The following PEAK1 variants were observed in gnomAD, a reference collection of about 807,000 sequenced individuals.
PEAK1 encodes inactive tyrosine-protein kinase PEAK1.
PEAK1 carries 54 observed loss-of-function variants against 124.7 expected under a neutral mutation model. That is an observed-to-expected ratio of 0.43 (90% CI 0.35 to 0.54). The LOEUF (loss-of-function observed/expected upper bound fraction) is 0.54, where lower values mean the gene tolerates loss of function less well. Among genes scored for constraint, PEAK1 ranks in the 20% least tolerant of loss-of-function variants. The pLI, the probability that PEAK1 is intolerant of heterozygous loss-of-function variation, is 0.01. For synonymous variants in PEAK1, 719 were observed against 760.0 expected, an observed-to-expected ratio of 0.95 and a Z score of 0.89; for missense variants, 2,046 against 2,134.5, an observed-to-expected ratio of 0.96 and a Z score of 0.82.
Position 77,114,448 on chromosome 15 carries a change from G to T in PEAK1, c.4949C>A (p.Pro1650His), listed in dbSNP as rs373379239. The change falls in exon 10 of 10, where the codon CCT (proline) becomes CAT (histidine). Residue 1650 changes from proline (P) to histidine (H), a missense_variant. Physicochemically the swap from Pro to His is moderately conservative, Grantham distance 77. Transcript: ENST00000682557. ...GTCTGAAATGAGGATCCGCTCAGAAGGGTTGGGATTCAGGAGGCAGCTGGC... is the reference window on the plus strand; with the variant it reads ...GTCTGAAATGAGGATCCGCTCAGAATGGTTGGGATTCAGGAGGCAGCTGGC... ...QLASCLLNPN[P>H]SERILISDAK... 3 of 1,613,990 alleles carry T rather than the reference G, an allele frequency of 1.9e-6. No homozygotes were observed. The highest frequency in any genetic ancestry group is 2.5e-6 in the Non-Finnish European group (3 of 1,180,022).
intron 6 of PEAK1, among the ~76,000 whole-genome samples, chr15:77,243,215 T>C (rs1438411354): frequency 6.6e-6 from 1 of 152,172 alleles, no homozygotes; most frequent in Non-Finnish European, 1.5e-5. Context: ...TAAGCAAATA[T>C]ACTAAAGCAG....
At position 77,366,295 on chromosome 15, in the gene PEAK1, T is replaced by C. The variant is rs1470033378; in HGVS notation, c.-665-1070A>G. Among the ~76,000 whole-genome samples the C allele has an allele frequency of 2.0e-5, 3 of 152,182 alleles. No individual in the cohort carries two copies. The South Asian group carries it at 6.2e-4, about 32-fold the overall frequency. ...ACAGACCTCCCAGCTACTGCAGTCA[T>C]TATGGAGTTCACTAAATGTCTCTGA... On this transcript the variant is annotated intron_variant, in intron 1 of 9. Coordinates refer to ENST00000682557, the MANE Select transcript of PEAK1 (RefSeq NM_001385026.1).
chr15:77,389,350 A>G (rs534022040), intron 1 of PEAK1, among the ~76,000 whole-genome samples: 1 of 152,280 alleles, frequency 6.6e-6, no homozygotes, highest in South Asian at 2.1e-4. Context: ...AAAAGGAAAA[A>G]GCTGTAGAGT....
chr15:77,339,882 C>T (rs1273899844), intron 2 of PEAK1, among the ~76,000 whole-genome samples: 1 of 152,184 alleles, frequency 6.6e-6, no homozygotes, highest in Non-Finnish European at 1.5e-5. Flanking sequence ...GAAAAATAAG[C>T]ATATGTTAAG....
chr15:77,397,709 C>G (rs2141982892), intron 1 of PEAK1, among the ~76,000 whole-genome samples: 1 of 152,190 alleles, frequency 6.6e-6, no homozygotes, highest in East Asian at 1.9e-4. Context: ...AACACACATA[C>G]AACCTACAAA....
chr15:77,114,929 C>T lies in PEAK1; in HGVS notation c.4468G>A (p.Glu1490Lys). 6.2e-7 allele frequency: 1 copy of T among 1,614,088 alleles called. No individual in the cohort carries two copies. Among genetic ancestry groups the T allele is most frequent in the Non-Finnish European group, 8.5e-7 (1 of 1,180,016 alleles). Reference sequence around the variant, plus strand: ...AAGAGCAGCAGACACACCTGCCTCTCATACAAATCAGGGCTTTTCCCATGC... The same window carrying T: ...AAGAGCAGCAGACACACCTGCCTCTTATACAAATCAGGGCTTTTCCCATGC... ...AQHGKSPDLY[E>K]RQVCLLLLQL... is the part of the protein sequence containing the mutation. The change falls in exon 10 of 10, where the codon GAG becomes AAG. Residue 1490 changes from glutamate to lysine, a missense_variant. By Grantham distance (56) the Glu-to-Lys change is moderately conservative. Coordinates refer to ENST00000682557, the MANE Select transcript of PEAK1 (RefSeq NM_001385026.1).
intron 2 of PEAK1, among the ~76,000 whole-genome samples, chr15:77,324,216 G>T (rs149586577): frequency 6.6e-6 from 1 of 152,290 alleles, no homozygotes; most frequent in East Asian, 1.9e-4. Flanking sequence ...GATGGCTCAC[G>T]CCTGTAATCC....
chr15:77,132,973 G>C, intron 9 of PEAK1, 32 bp downstream of exon 9: 1 of 1,573,572 alleles, frequency 6.4e-7, no homozygotes, highest in Non-Finnish European at 8.7e-7. Context: ...TAGTGGTTAA[G>C]ACTTAACATG....
chr15:77,354,535 C>G (rs1297785711), intron 2 of PEAK1, among the ~76,000 whole-genome samples: 1 of 149,504 alleles, frequency 6.7e-6, no homozygotes, highest in African/African-American at 2.4e-5. Context: ...AGCTCCCAAT[C>G]AAAACCCTTT....
At chr15:77,279,441 C>G (rs1271143075) in intron 5 of PEAK1, among the ~76,000 whole-genome samples, 2 of 152,122 alleles carry the variant, frequency 1.3e-5, no homozygotes, top group Non-Finnish European at 2.9e-5. Flanking sequence ...GATCTGACCC[C>G]CAATAATTGG....
At chr15:77,337,006 T>C (rs1016080681) in intron 2 of PEAK1, 5 of 568,724 alleles carry the variant, frequency 8.8e-6, no homozygotes, top group Non-Finnish European at 1.1e-5. Context: ...TATAGAAATA[T>C]CCAAAGACAT....
Position 77,180,880 on chromosome 15 carries a change from T to C in PEAK1, c.1047A>G (p.Thr349=), listed in dbSNP as rs1217238641. Residue 349 remains threonine, a synonymous_variant, in exon 7 of 10, where the codon ACA becomes ACG. Transcript: ENST00000682557. ...SDSTSPDSSL[T]EESRSETASS... The stretch of plus-strand genomic sequence containing the variant: ...TGGCTGTCTCAGAACGTGATTCTTC[T>C]GTTAAAGAAGAATCTGGTGATGTGG... 1.9e-6 allele frequency: 3 copies of C among 1,613,938 alleles called. No individual in the cohort carries two copies. The highest frequency in any genetic ancestry group is 2.7e-5 in the African/African-American group (2 of 74,912).
rs552240043 is a variant in PEAK1 at position 77,296,901 on chromosome 15, C to T, written c.-602-10397G>A. Among the ~76,000 whole-genome samples, 14 of 151,696 alleles carry T rather than the reference C, an allele frequency of 9.2e-5. 1 individual carries two copies. The highest frequency in any genetic ancestry group is 3.4e-4 in the African/African-American group (14 of 41,122). ...GACAAGCACACACACAGAACTTTGG[C>T]CCAAAGTACCAAGTACTACAGCTTA... On this transcript the variant is annotated intron_variant, in intron 2 of 9. Transcript: ENST00000682557.
At chr15:77,176,194 T>C (rs984518247) in intron 7 of PEAK1, among the ~76,000 whole-genome samples, 2 of 144,660 alleles carry the variant, frequency 1.4e-5, no homozygotes, top group South Asian at 2.1e-4. Context: ...ATGGCACATG[T>C]ATACATATGT....
chr15:77,347,506 T>A (rs904207814), intron 2 of PEAK1: 1 of 985,244 alleles, frequency 1.0e-6, no homozygotes, highest in African/African-American at 1.7e-5. Context: ...CTGAGGCTTA[T>A]AATAGGAACC....
intron 1 of PEAK1, among the ~76,000 whole-genome samples, chr15:77,372,018 T>A (rs1221580593): frequency 6.6e-6 from 1 of 152,230 alleles, no homozygotes. Flanking sequence ...AAATGTTTTC[T>A]CTGCTCTCCA....
chr15:77,418,547 C>G (rs1053266254), intron 1 of PEAK1: 14 of 985,158 alleles, frequency 1.4e-5, no homozygotes, highest in Non-Finnish European at 1.7e-5. Flanking sequence ...TAACCCTCAA[C>G]TTTGAAGCCA....
chr15:77,118,703 G>A (rs926437445), intron 9 of PEAK1, among the ~76,000 whole-genome samples: 1 of 152,028 alleles, frequency 6.6e-6, no homozygotes, highest in African/African-American at 2.4e-5. Context: ...ACTTGTTCAT[G>A]CCAGCTACTC....
At chr15:77,246,013 C>CTT (rs555544274) in intron 6 of PEAK1, among the ~76,000 whole-genome samples, 3 of 141,240 alleles carry the variant, frequency 2.1e-5, no homozygotes, top group Non-Finnish European at 3.1e-5. Flanking sequence ...ACCTGCTAGA[C>CTT]TTTTTTTTTT....
Sources: gnomAD v4.1 joint callset for allele counts (sites outside exome capture counted in the v4.1 genomes callset) on GRCh38, gnomAD v4.1.1 for gene constraint, MANE v1.5 for transcripts, NCBI Gene and HGNC (gene_info 2026-07-23, HGNC 2026-07-21) for gene names.